Variants in MAP3K6 observed in about 807,000 individuals in gnomAD.
MAP3K6 encodes apoptosis signal-regulating kinase 2.
In MAP3K6, 105 loss-of-function variants were observed where a neutral mutation model predicts 147.1. The ratio of observed to expected loss-of-function variants is 0.71; its 90% CI spans 0.61 to 0.84. The LOEUF (loss-of-function observed/expected upper bound fraction) is 0.84. MAP3K6 is among the 40% of genes least tolerant of loss of function. The pLI is 0.00. For missense variants in MAP3K6, 1,569 were observed against 1,715.0 expected, an observed-to-expected ratio of 0.91 and a Z score of 1.50; for synonymous variants, 695 against 732.4, an observed-to-expected ratio of 0.95 and a Z score of 0.82.
In MAP3K6 at chr1:27,363,541, GA is replaced by G. The variant is rs1328293371; in HGVS notation, c.871del (p.Ser291ArgfsTer98). The G allele has an allele frequency of 1.9e-6, 3 of 1,609,388 alleles. No individual in the cohort carries two copies. The African/African-American group carries it at 4.0e-5, about 22-fold the overall frequency. ...CGTCTCCACCAGCTCAATGATGGCC[GA>G]GTAGTCCTGCATCAGGGAACGGCAA... The part of the protein sequence containing the change: ...LLSYRDVQDY[S>X]AIIELVETLQ... On this transcript the variant is annotated frameshift_variant, in exon 6 of 29. Coordinates refer to ENST00000357582, the MANE Select transcript of MAP3K6 (RefSeq NM_004672.5). LOFTEE classifies it high-confidence loss of function.
intron 6 of MAP3K6, 60 bp downstream of exon 6, chr1:27,363,382 G>A: frequency 3.6e-6 from 5 of 1,407,978 alleles, no homozygotes; most frequent in Non-Finnish European, 4.9e-6. Flanking sequence ...TTTGCACGCA[G>A]AGACCTAGGT....
chr1:27,357,358 A>G (rs765012358), intron 23 of MAP3K6, 42 bp downstream of exon 23: 3 of 1,565,982 alleles, frequency 1.9e-6, no homozygotes, highest in Non-Finnish European at 1.7e-6. Flanking sequence ...GGAACTCACT[A>G]CCTGTTGTTG....
At position 27,356,698 on chromosome 1, in the gene MAP3K6, C is replaced by T; in HGVS notation, c.3416G>A (p.Gly1139Glu). The change falls in exon 25 of 29, where the codon GGG becomes GAG. Residue 1139 changes from glycine to glutamate, a missense_variant. By Grantham distance (98) the Gly-to-Glu change is moderately conservative. Coordinates refer to ENST00000357582, the MANE Select transcript of MAP3K6 (RefSeq NM_004672.5). ...CTGGCCTGGGCTCTGCTGGGAGTCC[C>T]CTTCATTACTCAGCTCCTCTGACCT... ...SPRSEELSNE[G>E]DSQQSPGQQS... The T allele has an allele frequency of 1.2e-6, 2 of 1,606,808 alleles. No individual in the cohort carries two copies. The highest frequency in any genetic ancestry group is 1.3e-5 in the African/African-American group (1 of 74,820).
intron 26 of MAP3K6, 104 bp from the exon 27 acceptor site, chr1:27,356,203 G>T: frequency 8.3e-7 from 1 of 1,204,772 alleles, no homozygotes; most frequent in Non-Finnish European, 1.2e-6. Context: ...CAGGTGATGA[G>T]CCCAAGTCAG....
Position 27,360,776 on chromosome 1 carries a change from C to G in MAP3K6, c.1983G>C (p.Val661=), listed in dbSNP as rs769286392. 1.9e-6 allele frequency: 3 copies of G among 1,612,598 alleles called. No homozygotes were observed. The highest frequency in any genetic ancestry group is 2.5e-6 in the Non-Finnish European group (3 of 1,179,866). ...RLVLGKGTYG[V]VYAGRDRHTR... is the part of the protein sequence containing the mutation. ...TGTGGCGATCGCGGCCCGCGTACAC[C>G]ACCCCATACGTGCCCTTGCCCAGCA... Residue 661 remains valine, a synonymous_variant, in exon 15 of 29, where the codon GTG becomes GTC. Transcript: ENST00000357582. This position sits in a 1 kb window ranked among gnomAD's most constrained non-coding sequence, Gnocchi z 4.5.
At chr1:27,363,146 G>T in intron 6 of MAP3K6, 125 bp from the exon 7 acceptor site, 1 of 869,922 alleles carries the variant, frequency 1.1e-6, no homozygotes, top group Non-Finnish European at 1.8e-6. Flanking sequence ...AAATGATAAT[G>T]ACCCTGGCCA....
rs1389684361 is a variant in MAP3K6 at position 27,362,696 on chromosome 1, C to T, written c.1200G>A (p.Val400=). Residue 400 remains valine (V), a synonymous_variant, in exon 8 of 29, where the codon GTG becomes GTA. Coordinates refer to ENST00000357582, the MANE Select transcript of MAP3K6 (RefSeq NM_004672.5). ...AGTGCTGCCCGGCAGCAATGAGGAG[C>T]ACAGCTGCATTGATGCCTGAGTGAA... is the stretch of plus-strand genomic sequence containing the variant. ...PSLHSGINAA[V]LLIAAGQHFE... 1.2e-5 allele frequency: 20 copies of T among 1,609,514 alleles called. No homozygotes were observed. The highest frequency in any genetic ancestry group is 1.4e-5 in the Non-Finnish European group (16 of 1,177,754).
chr1:27,365,282 G>A (rs1283458666), intron 1 of MAP3K6, among the ~76,000 whole-genome samples: 1 of 152,162 alleles, frequency 6.6e-6, no homozygotes, highest in South Asian at 2.1e-4. Flanking sequence ...CTTGAAAGGG[G>A]CTACCATCAG....
In MAP3K6 at chr1:27,364,021, G is replaced by A. The variant is rs760514584; in HGVS notation, c.760C>T (p.Gln254Ter). Residue 254 changes from glutamine (Q) to a stop codon, truncating the protein, a stop_gained, in exon 5 of 29, where the codon CAG becomes TAG. Coordinates refer to ENST00000357582, the MANE Select transcript of MAP3K6 (RefSeq NM_004672.5). LOFTEE classifies it high-confidence loss of function. The surrounding 1 kb of genome is among the most constrained non-coding windows in gnomAD (Gnocchi z 4.4). ...AGGCGAGCCAGCTCCTGCCGCAGCTGTGGCCCACTGAACCGCTCCCGCGCC... is the reference window on the plus strand; with the variant it reads ...AGGCGAGCCAGCTCCTGCCGCAGCTATGGCCCACTGAACCGCTCCCGCGCC... ...RQARERFSGP[Q>*]LRQELARLQR... 3.6e-5 allele frequency: 58 copies of A among 1,612,558 alleles called. No individual in the cohort carries two copies. Among genetic ancestry groups the A allele is most frequent in the Non-Finnish European group, 4.8e-5 (57 of 1,179,980 alleles).
chr1:27,364,778 G>T lies in MAP3K6; in HGVS notation c.475C>A (p.Leu159Met). 6.2e-7 allele frequency: 1 copy of T among 1,613,680 alleles called. No homozygotes were observed. The highest frequency in any genetic ancestry group is 8.5e-7 in the Non-Finnish European group (1 of 1,179,598). ...ACCAGCCCCAGGCCACCTACCCGCA[G>T]GGCCTGCAGGTCAGGGAGGTCGGCC... is the stretch of plus-strand genomic sequence containing the variant. ...SQADLPDLQALREDVFQKNSD... is the reference protein window; with the variant it reads ...SQADLPDLQAMREDVFQKNSD... Residue 159 changes from leucine to methionine, a missense_variant, in exon 2 of 29, where the codon CTG becomes ATG. Physicochemically the swap from Leu to Met is conservative, Grantham distance 15. Transcript: ENST00000357582. This position sits in a 1 kb window ranked among gnomAD's most constrained non-coding sequence, Gnocchi z 4.4.
rs750281142 is a variant in MAP3K6 at position 27,362,963 on chromosome 1, G to A, written c.1030C>T (p.Leu344Phe). Residue 344 changes from leucine to phenylalanine, a missense_variant, in exon 7 of 29, where the codon CTT becomes TTT. Transcript: ENST00000357582. ...AGATCGGGCGCCACAGAGCCCTCAA[G>A]CTGTACCAGCGGCAGCAGCACAGAC... Reference protein sequence around the residue: ...ALSVLLPLVQLEGSVAPDLYC... With the variant: ...ALSVLLPLVQFEGSVAPDLYC... The A allele has an allele frequency of 6.2e-7, 1 of 1,614,050 alleles. No individual in the cohort carries two copies. The highest frequency in any genetic ancestry group is 1.3e-5 in the African/African-American group (1 of 75,054).
chr1:27,364,547 C>T lies in MAP3K6; in HGVS notation c.504+114G>A. 6.4e-7 allele frequency: 1 copy of T among 1,560,630 alleles called. No individual in the cohort carries two copies. Among genetic ancestry groups the T allele is most frequent in the Non-Finnish European group, 8.8e-7 (1 of 1,132,130 alleles). On this transcript the variant is annotated intron_variant, in intron 3 of 28. Transcript: ENST00000357582. This position sits in a 1 kb window ranked among gnomAD's most constrained non-coding sequence, Gnocchi z 4.4. ...GGAGGCAACAGGAAACAGAGGAATA[C>T]TTGGGATGTCAGTGGGGGGTTAGGT... is the stretch of plus-strand genomic sequence containing the variant.
At chr1:27,362,556 G>T in intron 8 of MAP3K6, 85 bp downstream of exon 8, 1 of 1,053,516 alleles carries the variant, frequency 9.5e-7, no homozygotes, top group Non-Finnish European at 1.4e-6. Context: ...CCTAGCTCTT[G>T]CCCAGTGTGC....
At position 27,360,831 on chromosome 1, in the gene MAP3K6, T is replaced by A; in HGVS notation, c.1928A>T (p.Tyr643Phe). 1 of 1,612,772 alleles carries A rather than the reference T, an allele frequency of 6.2e-7. No homozygotes were observed. The highest frequency in any genetic ancestry group is 1.3e-5 in the African/African-American group (1 of 75,046). Reference protein sequence around the residue: ...EGAGEMLEFDYEYTETGERLV... With the variant: ...EGAGEMLEFDFEYTETGERLV... The stretch of plus-strand genomic sequence containing the variant: ...CCGCTCGCCCGTCTCCGTGTACTCA[T>A]AATCAAACTGCCGGGCGCGGGGTGA... The change falls in exon 15 of 29, where the codon TAT becomes TTT. Residue 643 changes from tyrosine (Y) to phenylalanine (F), a missense_variant. Physicochemically the swap from Tyr to Phe is conservative, Grantham distance 22. Transcript: ENST00000357582. This position sits in a 1 kb window ranked among gnomAD's most constrained non-coding sequence, Gnocchi z 4.5.
At position 27,362,641 on chromosome 1, in the gene MAP3K6, C is replaced by T; in HGVS notation, c.1255G>A (p.Gly419Ser). ...FEDSKELRLIGMKLGCLLARK... is the reference protein window; with the variant it reads ...FEDSKELRLISMKLGCLLARK... ...GACAAGAGCCAGGATCTGTGCTCACCTATTAGCCGGAGCTCTTTGGAATCC... is the reference window on the plus strand; with the variant it reads ...GACAAGAGCCAGGATCTGTGCTCACTTATTAGCCGGAGCTCTTTGGAATCC... The change falls in exon 8 of 29, where the codon GGC becomes AGC. Residue 419 changes from glycine to serine, a missense_variant and splice_region_variant. Physicochemically the swap from Gly to Ser is moderately conservative, Grantham distance 56. Transcript: ENST00000357582. 2 of 1,577,290 alleles carry T rather than the reference C, an allele frequency of 1.3e-6. No individual in the cohort carries two copies. Among genetic ancestry groups the T allele is most frequent in the Non-Finnish European group, 1.7e-6 (2 of 1,159,488 alleles).
At position 27,366,603 on chromosome 1, in the gene MAP3K6, G is replaced by A. The variant is rs2015998395; in HGVS notation, c.-6C>T. 1 of 1,077,242 alleles carries A rather than the reference G, an allele frequency of 9.3e-7. No individual in the cohort carries two copies. The highest frequency in any genetic ancestry group is 1.7e-5 in the African/African-American group (1 of 59,530). 66.7% of individuals were successfully genotyped at this position (1,077,242 alleles called of 1,614,324 possible). On this transcript the variant is annotated 5_prime_UTR_variant, in exon 1 of 29. Transcript: ENST00000357582. The surrounding 1 kb of genome is among the most constrained non-coding windows in gnomAD (Gnocchi z 5.5). ...CGGGGACACGGCCCCGCCATGCGGG[G>A]GCGCTCAGGCGCGGGGCGCCGCGCA...
Position 27,356,622 on chromosome 1 carries a change from C to A in MAP3K6, c.3492G>T (p.Val1164=). ...TCTCTGCCCTCAAGAGGCTCAGCTG[C>A]ACCATCAGAGGAGCGGGGCCCTGCT... ...EPEQGPAPLM[V]QLSLLRAETD... Residue 1164 remains valine, a synonymous_variant, in exon 25 of 29, where the codon GTG becomes GTT. Coordinates refer to ENST00000357582, the MANE Select transcript of MAP3K6 (RefSeq NM_004672.5). 6.2e-7 allele frequency: 1 copy of A among 1,612,828 alleles called. No individual in the cohort carries two copies. The highest frequency in any genetic ancestry group is 1.3e-5 in the African/African-American group (1 of 75,064).
At chr1:27,355,949 T>G (rs2015505053) in intron 27 of MAP3K6, 77 bp downstream of exon 27, 2 of 1,382,020 alleles carry the variant, frequency 1.4e-6, no homozygotes, top group Non-Finnish European at 2.1e-6. Flanking sequence ...GAGGGCACAG[T>G]AGAAGAGCAG....
At chr1:27,355,630 C>A in intron 28 of MAP3K6, 39 bp downstream of exon 28, 1 of 1,608,780 alleles carries the variant, frequency 6.2e-7, no homozygotes, top group Non-Finnish European at 8.5e-7. Flanking sequence ...CAGGATGAGG[C>A]CATATGCATG....
Sources: allele counts gnomAD v4.1 joint callset (sites outside exome capture counted in the v4.1 genomes callset), GRCh38; gene constraint gnomAD v4.1.1; non-coding constraint Gnocchi (gnomAD v3.1); transcripts MANE v1.5; gene names NCBI Gene and HGNC (gene_info 2026-07-23, HGNC 2026-07-21).